The following CCDC178 variants were observed in gnomAD, a reference collection of about 807,000 sequenced individuals.
CCDC178 encodes coiled-coil domain containing 178.
A neutral mutation model predicts 117.4 loss-of-function variants in CCDC178; 126 were observed. The observed-to-expected ratio is 1.07, with a 90% CI of 0.93 to 1.24. The LOEUF (loss-of-function observed/expected upper bound fraction) is 1.24. Among genes scored for constraint, CCDC178 ranks in the 50% most tolerant of loss-of-function variants. The pLI, the probability that CCDC178 is intolerant of heterozygous loss-of-function variation, is 0.00. For missense variants in CCDC178, 1,030 were observed against 986.9 expected (o/e 1.04, Z -0.59); for synonymous variants, 283 against 313.4 (o/e 0.90, Z 1.02).
chr18:33,234,346 C>A (rs1054409523), intron 15 of CCDC178, among the ~76,000 whole-genome samples: 1 of 152,054 alleles, frequency 6.6e-6, no homozygotes, highest in African/African-American at 2.4e-5. Context: ...TAGCAGATTC[C>A]TTTCCATTCA....
At chr18:33,181,932 A>G (rs990374951) in intron 20 of CCDC178, among the ~76,000 whole-genome samples, 4 of 151,886 alleles carry the variant, frequency 2.6e-5, no homozygotes, top group Non-Finnish European at 4.4e-5. Flanking sequence ...AGTGGCAAAC[A>G]CCATACCGTG....
At chr18:32,957,665 A>C (rs914766634) in intron 22 of CCDC178, 4 of 152,182 alleles carry the variant, frequency 2.6e-5, no homozygotes, top group African/African-American at 9.7e-5. Flanking sequence ...TTTTGTAAGA[A>C]ATATGCCCAA....
At chr18:33,176,433 G>T (rs1307606773) in intron 20 of CCDC178, among the ~76,000 whole-genome samples, 2 of 151,794 alleles carry the variant, frequency 1.3e-5, no homozygotes, top group African/African-American at 4.8e-5. Context: ...TGATTTATTT[G>T]CTGGGCCCAT....
intron 21 of CCDC178, among the ~76,000 whole-genome samples, chr18:33,066,659 G>C (rs981993651): frequency 2.6e-5 from 4 of 152,110 alleles, no homozygotes; most frequent in Non-Finnish European, 5.9e-5. Context: ...GATGGAAAAA[G>C]GTATTCCATG....
At chr18:33,344,399 C>A (rs546922436) in intron 9 of CCDC178, among the ~76,000 whole-genome samples, 1 of 150,468 alleles carries the variant, frequency 6.6e-6, no homozygotes, top group African/African-American at 2.4e-5. Flanking sequence ...ATAACGCAGA[C>A]GAACATAAAT....
intron 18 of CCDC178, among the ~76,000 whole-genome samples, chr18:33,222,346 CT>C (rs1367974904): frequency 6.8e-6 from 1 of 146,292 alleles, no homozygotes; most frequent in Non-Finnish European, 1.5e-5. Flanking sequence ...CATTTTCTTT[CT>C]TCCTGTCTTA....
chr18:33,408,600 T>G (rs2063811710), intron 3 of CCDC178, among the ~76,000 whole-genome samples: 2 of 152,012 alleles, frequency 1.3e-5, no homozygotes, highest in Admixed American at 6.6e-5. Context: ...AAATTATAAG[T>G]GCACAAATAT....
At chr18:33,047,000 T>C (rs948114112) in intron 21 of CCDC178, among the ~76,000 whole-genome samples, 16 of 152,174 alleles carry the variant, frequency 1.1e-4, no homozygotes, top group African/African-American at 3.1e-4. Context: ...TGGTAAAACA[T>C]TGTATTAGAA....
chr18:33,224,913 T>A lies in CCDC178; in HGVS notation c.1680A>T (p.Glu560Asp). The change falls in exon 17 of 23, where the codon GAA (glutamate) becomes GAT (aspartate). Residue 560 changes from glutamate to aspartate, a missense_variant. Transcript: ENST00000383096. ...VLQKKLYSIY[E>D]VQALERKELI... ...GCTCTTTCCGCTCAAGTGCCTGGAC[T>A]TCGTAAATGGAATATAGTTTTTTCT... 1 of 1,520,316 alleles carries A rather than the reference T, an allele frequency of 6.6e-7. No homozygotes were observed. Among genetic ancestry groups the A allele is most frequent in the Non-Finnish European group, 8.8e-7 (1 of 1,134,528 alleles). 94.2% of individuals were successfully genotyped at this position (1,520,316 alleles called of 1,614,324 possible). A position where few individuals can be genotyped will look rare whatever the true frequency, so the allele number is the denominator to read the frequency against.
At chr18:33,088,396 T>C (rs1035086891) in intron 21 of CCDC178, among the ~76,000 whole-genome samples, 15 of 152,186 alleles carry the variant, frequency 9.9e-5, no homozygotes, top group Non-Finnish European at 1.2e-4. Context: ...CTTAACAATA[T>C]TGAGTCTTCC....
At chr18:33,134,025 C>T (rs2144266585) in intron 20 of CCDC178, among the ~76,000 whole-genome samples, 1 of 151,706 alleles carries the variant, frequency 6.6e-6, no homozygotes, top group Non-Finnish European at 1.5e-5. Flanking sequence ...TAGACTTAAG[C>T]TAATCAATTC....
chr18:33,217,603 T>C (rs1451437299), intron 18 of CCDC178, among the ~76,000 whole-genome samples: 2 of 152,032 alleles, frequency 1.3e-5, no homozygotes, highest in Non-Finnish European at 2.9e-5. Flanking sequence ...AATTTTGCTG[T>C]ATAGTTTGTC....
rs1435813186 is a variant in CCDC178, at chr18:33,265,167, T to C, written c.1409+1749A>G. ...TTTTACAAATTGTTCCATTTCATCA[T>C]TTCCAAAGGTAAAATAATTCTAAGA... On this transcript the variant is annotated intron_variant, in intron 14 of 22. Transcript: ENST00000383096. 6.6e-5 allele frequency among the ~76,000 whole-genome samples: 10 copies of C among 152,304 alleles called. No individual in the cohort carries two copies. In the East Asian group the frequency reaches 9.6e-4, roughly 15 times the overall value.
rs1452843615 is a variant in CCDC178, at chr18:33,380,878, T to C, written c.208+8662A>G. Reference sequence around the variant, plus strand: ...TTTGGTTTTAAACATTCGGATTTAGTCAAGGCCAACAAGCCAGAGATAGTC... The same window carrying C: ...TTTGGTTTTAAACATTCGGATTTAGCCAAGGCCAACAAGCCAGAGATAGTC... On this transcript the variant is annotated intron_variant, in intron 5 of 22. Transcript: ENST00000383096. Among the ~76,000 whole-genome samples the C allele has an allele frequency of 2.0e-5, 3 of 152,182 alleles. No homozygotes were observed. The East Asian group carries it at 5.8e-4, about 29-fold the overall frequency.
intron 22 of CCDC178, among the ~76,000 whole-genome samples, chr18:32,949,791 T>C (rs2054439906): frequency 6.6e-6 from 1 of 152,182 alleles, no homozygotes. Flanking sequence ...TGCCATACAT[T>C]GTGCATTTTA....
At chr18:33,107,643 A>G (rs1030712471) in intron 20 of CCDC178, among the ~76,000 whole-genome samples, 4 of 151,492 alleles carry the variant, frequency 2.6e-5, no homozygotes, top group African/African-American at 9.7e-5. Flanking sequence ...TTTTCTTTCC[A>G]GTTTTTCTTT....
intron 22 of CCDC178, among the ~76,000 whole-genome samples, chr18:32,965,812 T>C (rs956772188): frequency 6.6e-6 from 1 of 151,118 alleles, no homozygotes; most frequent in African/African-American, 2.4e-5. Context: ...TTATTTTATA[T>C]TATTAATTTT....
chr18:33,157,711 T>C (rs186779634), intron 20 of CCDC178, among the ~76,000 whole-genome samples: 2 of 152,270 alleles, frequency 1.3e-5, no homozygotes, highest in East Asian at 3.9e-4. Flanking sequence ...TAGCATCCTA[T>C]ATTGATTTTA....
At position 33,245,412 on chromosome 18, in the gene CCDC178, T is replaced by C. The variant is rs920123329; in HGVS notation, c.1426A>G (p.Lys476Glu). The C allele has an allele frequency of 1.3e-6, 2 of 1,563,604 alleles. No homozygotes were observed. The highest frequency in any genetic ancestry group is 1.7e-6 in the Non-Finnish European group (2 of 1,155,860). ...KTNESIRKKS[K>E]YESEIKYLTI... Reference sequence around the variant, plus strand: ...AAATATTTTATTTCAGATTCGTATTTTGATTTTTTCCGTATGCTGTAAAAG... The same window carrying C: ...AAATATTTTATTTCAGATTCGTATTCTGATTTTTTCCGTATGCTGTAAAAG... Residue 476 changes from lysine to glutamate, a missense_variant, in exon 15 of 23, where the codon AAA becomes GAA. Lys to Glu is a moderately conservative substitution (Grantham distance 56). Transcript: ENST00000383096.
Sources: allele counts gnomAD v4.1 joint callset (sites outside exome capture counted in the v4.1 genomes callset), GRCh38; gene constraint gnomAD v4.1.1; transcripts MANE v1.5; gene names NCBI Gene and HGNC (gene_info 2026-07-23, HGNC 2026-07-21).